The following PPP2R5C variants were observed in gnomAD, a reference collection of about 807,000 sequenced individuals.
PPP2R5C encodes the protein protein phosphatase 2 regulatory subunit B'gamma, also known as serine/threonine-protein phosphatase 2A 56 kDa regulatory subunit gamma isoform.
PPP2R5C carries 7 observed loss-of-function variants against 68.9 expected under a neutral mutation model. That is an observed-to-expected ratio of 0.10 (90% CI 0.06 to 0.19). The LOEUF is 0.19. Ranked by LOEUF, PPP2R5C falls within the 10% of genes least tolerant of loss-of-function variation. The pLI, the probability that PPP2R5C is intolerant of heterozygous loss-of-function variation, is 1.00. For synonymous variants in PPP2R5C, 210 were observed against 222.2 expected (o/e 0.95, Z 0.49); for missense variants, 348 against 641.3 (o/e 0.54, Z 4.94).
At chr14:101,902,863 C>A (rs2045777766) in intron 9 of PPP2R5C, among the ~76,000 whole-genome samples, 1 of 152,148 alleles carries the variant, frequency 6.6e-6, no homozygotes. Flanking sequence ...GGAGCACGGG[C>A]AGCCATAGTA....
At chr14:101,902,638 C>T (rs1436310349) in intron 9 of PPP2R5C, among the ~76,000 whole-genome samples, 1 of 152,236 alleles carries the variant, frequency 6.6e-6, no homozygotes, top group African/African-American at 2.4e-5. Context: ...GTCACACCAC[C>T]ACCTTACAGC....
chr14:101,848,497 C>T (rs1304181611), intron 1 of PPP2R5C, among the ~76,000 whole-genome samples: 1 of 151,634 alleles, frequency 6.6e-6, no homozygotes, highest in Non-Finnish European at 1.5e-5. Flanking sequence ...AAGATCACGC[C>T]ACTGCACTCC....
At chr14:101,873,523 G>C (rs2043554667) in intron 2 of PPP2R5C, among the ~76,000 whole-genome samples, 1 of 152,060 alleles carries the variant, frequency 6.6e-6, no homozygotes, top group Non-Finnish European at 1.5e-5. Flanking sequence ...GTGCCCTATG[G>C]ATTATGAATT....
chr14:101,896,636 C>A (rs1160185884), intron 8 of PPP2R5C, among the ~76,000 whole-genome samples: 690 of 110,148 alleles, frequency 6.3e-3, no homozygotes, highest in Admixed American at 7.0e-3. Flanking sequence ...ACCCTGTCTC[C>A]AAAAAAAAAA....
chr14:101,858,323 T>C (rs1196848963), intron 2 of PPP2R5C, among the ~76,000 whole-genome samples: 1 of 152,168 alleles, frequency 6.6e-6, no homozygotes, highest in African/African-American at 2.4e-5. Flanking sequence ...TCACATTTTA[T>C]AATCTTTTTT....
chr14:101,912,302 A>T (rs1250144343), intron 11 of PPP2R5C, 99 bp from the exon 14 acceptor site: 6 of 982,906 alleles, frequency 6.1e-6, no homozygotes, highest in Non-Finnish European at 7.2e-6. Context: ...CTGCGGGAGG[A>T]GCCGCTGGCT....
intron 2 of PPP2R5C, among the ~76,000 whole-genome samples, chr14:101,768,919 G>A (rs1403960430): frequency 1.3e-5 from 2 of 151,836 alleles, no homozygotes; most frequent in South Asian, 2.1e-4. Context: ...CCGCCTCCCG[G>A]ATTCACACCA....
At chr14:101,847,608 C>T (rs1429287397) in intron 1 of PPP2R5C, among the ~76,000 whole-genome samples, 2 of 150,844 alleles carry the variant, frequency 1.3e-5, no homozygotes, top group South Asian at 2.1e-4. Context: ...GTATGGGATG[C>T]GTTTGCGAAA....
intron 2 of PPP2R5C, among the ~76,000 whole-genome samples, chr14:101,771,319 A>G (rs1438166489): frequency 1.3e-5 from 2 of 148,600 alleles, no homozygotes; most frequent in Non-Finnish European, 3.0e-5. Flanking sequence ...CAGTGGTGCG[A>G]TCTTGGCTCA....
chr14:101,917,730 C>A lies in PPP2R5C; in HGVS notation c.1327-101C>A. 6.5e-7 allele frequency: 1 copy of A among 1,535,060 alleles called. No homozygotes were observed. Among genetic ancestry groups the A allele is most frequent in the South Asian group, 1.2e-5 (1 of 83,618 alleles). On this transcript the variant is annotated intron_variant, in intron 12 of 13. Coordinates refer to ENST00000334743, the Ensembl canonical transcript of PPP2R5C. The surrounding 1 kb of genome is among the most constrained non-coding windows in gnomAD (Gnocchi z 4.4). The stretch of plus-strand genomic sequence containing the variant: ...TGAGTGGGCTTCCTGCGGGAGAGGG[C>A]CCTGGGGGGCGGCAGGGGAGATGAG...
intron 1 of PPP2R5C, chr14:101,819,160 G>T: frequency 7.2e-7 from 1 of 1,398,144 alleles, no homozygotes; most frequent in Non-Finnish European, 9.8e-7. Context: ...TTAGGAATGG[G>T]TTGTCGGTTT....
At chr14:101,894,599 A>G (rs1434777611) in intron 8 of PPP2R5C, 39 bp downstream of exon 10, 6 of 1,563,172 alleles carry the variant, frequency 3.8e-6, no homozygotes, top group East Asian at 4.5e-5. Flanking sequence ...AGATGTGTGC[A>G]TTTCACTAAA....
At chr14:101,786,308 GA>G (rs941928763) in intron 3 of PPP2R5C, 125 bp downstream of exon 3, 115 of 852,928 alleles carry the variant, frequency 1.3e-4, no homozygotes, top group Non-Finnish European at 1.8e-4. Context: ...TTTCTGTATT[GA>G]GGGGTTTTTT....
At chr14:101,896,030 A>G (rs906142696) in intron 8 of PPP2R5C, among the ~76,000 whole-genome samples, 2 of 151,456 alleles carry the variant, frequency 1.3e-5, no homozygotes, top group African/African-American at 4.9e-5. Context: ...ATTTTATCTT[A>G]TTTTTTTGAG....
At chr14:101,785,912 G>A (rs1230760080) in intron 2 of PPP2R5C, 106 bp from the exon 3 acceptor site, 4 of 1,040,626 alleles carry the variant, frequency 3.8e-6, no homozygotes, top group Non-Finnish European at 5.2e-6. Flanking sequence ...GGAGTGAAGG[G>A]GAATGCCCCA....
chr14:101,886,052 C>A (rs988520162), intron 5 of PPP2R5C, among the ~76,000 whole-genome samples: 1 of 152,138 alleles, frequency 6.6e-6, no homozygotes, highest in East Asian at 1.9e-4. Flanking sequence ...GAGGCCGAGG[C>A]GGGCAGATCA....
At position 101,797,023 on chromosome 14, in the gene PPP2R5C, CACT is replaced by C; in HGVS notation, c.259+10845_259+10847del. The C allele has an allele frequency of 2.2e-5, 9 of 400,608 alleles. No homozygotes were observed. The highest frequency in any genetic ancestry group is 1.6e-4 in the South Asian group (9 of 54,648). 24.8% of individuals were successfully genotyped at this position (400,608 alleles called of 1,614,324 possible). ...TACATTCAAAATGCTGTACACCCAT[CACT>C]ACTATCTCTACCCAAAACTTTTCAT... On this transcript the variant is annotated intron_variant, in intron 3 of 14. Transcript: ENST00000328724. The surrounding 1 kb of genome is among the most constrained non-coding windows in gnomAD (Gnocchi z 4.2).
At chr14:101,871,882 CA>C (rs2043442393) in intron 2 of PPP2R5C, among the ~76,000 whole-genome samples, 1 of 152,132 alleles carries the variant, frequency 6.6e-6, no homozygotes, top group African/African-American at 2.4e-5. Context: ...AAGACATTTA[CA>C]ACAGTATACT....
rs1413785443 is a variant in PPP2R5C, at chr14:101,899,747, A to G, written c.853-1972A>G. 1.3e-5 allele frequency among the ~76,000 whole-genome samples: 2 copies of G among 152,248 alleles called. No homozygotes were observed. The highest frequency in any genetic ancestry group is 2.9e-5 in the Non-Finnish European group (2 of 68,040). On this transcript the variant is annotated intron_variant, in intron 8 of 13. Coordinates refer to ENST00000334743, the Ensembl canonical transcript of PPP2R5C. This position sits in a 1 kb window ranked among gnomAD's most constrained non-coding sequence, Gnocchi z 4.2. ...GATTCCAATACACGCAAAGTGTGGTAGGAACACAATAAATACTTATTCAAT... is the reference window on the plus strand; with the variant it reads ...GATTCCAATACACGCAAAGTGTGGTGGGAACACAATAAATACTTATTCAAT...
Sources: gnomAD v4.1 joint callset for allele counts (sites outside exome capture counted in the v4.1 genomes callset) on GRCh38, gnomAD v4.1.1 for gene constraint, Gnocchi (gnomAD v3.1) non-coding constraint, MANE v1.5 for transcripts, NCBI Gene and HGNC (gene_info 2026-07-23, HGNC 2026-07-21) for gene names.